DSCAML1: variants seen among roughly 807,000 people sequenced by gnomAD.
DSCAML1 encodes the protein cell adhesion molecule DSCAML1.
In DSCAML1, 38 loss-of-function variants were observed where a neutral mutation model predicts 200.5. The observed-to-expected ratio is 0.19, with a 90% CI of 0.15 to 0.25. The LOEUF is 0.25. DSCAML1 is among the 10% of genes least tolerant of loss of function. The pLI, the probability that DSCAML1 is intolerant of heterozygous loss-of-function variation, is 1.00. For synonymous variants in DSCAML1, 1,215 were observed against 1,165.0 expected, an observed-to-expected ratio of 1.04 and a Z score of -0.87; for missense variants, 2,223 against 2,858.8, an observed-to-expected ratio of 0.78 and a Z score of 5.07.
At chr11:117,559,239 C>A (rs926361437) in intron 3 of DSCAML1, among the ~76,000 whole-genome samples, 1 of 152,192 alleles carries the variant, frequency 6.6e-6, no homozygotes, top group Non-Finnish European at 1.5e-5. Flanking sequence ...ATGTACAGCT[C>A]AGGTAAGGGG....
chr11:117,522,887 T>C (rs942611814), intron 5 of DSCAML1, among the ~76,000 whole-genome samples: 3 of 152,142 alleles, frequency 2.0e-5, no homozygotes, highest in Non-Finnish European at 2.9e-5. Context: ...AAAAGTCACA[T>C]TGATTCCCCT....
chr11:117,670,087 T>C (rs1280576445), intron 3 of DSCAML1, among the ~76,000 whole-genome samples: 1 of 152,250 alleles, frequency 6.6e-6, no homozygotes, highest in Admixed American at 6.5e-5. Context: ...GCTGTGATGC[T>C]TGGCTCTTCC....
intron 3 of DSCAML1, among the ~76,000 whole-genome samples, chr11:117,735,428 G>A (rs561354104): frequency 4.6e-5 from 7 of 152,066 alleles, no homozygotes; most frequent in Non-Finnish European, 1.0e-4. Flanking sequence ...TTGGCTCAAG[G>A]TCACACAGGT....
intron 17 of DSCAML1, among the ~76,000 whole-genome samples, chr11:117,462,709 C>T (rs570830809): frequency 3.9e-5 from 6 of 152,232 alleles, no homozygotes; most frequent in Non-Finnish European, 8.8e-5. Context: ...ATCGCCCATT[C>T]GAACAAAATG....
In DSCAML1 at chr11:117,650,198, G is replaced by A. The variant is rs149726326; in HGVS notation, c.512-117676C>T. On this transcript the variant is annotated intron_variant, in intron 3 of 32. Transcript: ENST00000651296. ...TTCTCAGTCTGGATCTCCAGGGTGC[G>A]GCCCAGGAATTTGTGTCTGCCCACT... 1.9e-3 allele frequency among the ~76,000 whole-genome samples: 292 copies of A among 152,260 alleles called. 2 individuals are homozygous for A. The highest frequency in any genetic ancestry group is 2.4e-3 in the Non-Finnish European group (163 of 68,012).
intron 19 of DSCAML1, among the ~76,000 whole-genome samples, chr11:117,456,651 G>A (rs1034102294): frequency 2.0e-5 from 3 of 149,776 alleles, no homozygotes; most frequent in Non-Finnish European, 4.4e-5. Flanking sequence ...CCCTGATGCC[G>A]CTATCTGAAG....
At chr11:117,777,139 C>T (rs2055141757) in intron 2 of DSCAML1, among the ~76,000 whole-genome samples, 2 of 152,336 alleles carry the variant, frequency 1.3e-5, no homozygotes, top group South Asian at 4.1e-4. Flanking sequence ...TCTCCATCAA[C>T]CTCCTCCCCA....
At chr11:117,745,852 T>A (rs956226350) in intron 3 of DSCAML1, among the ~76,000 whole-genome samples, 1 of 152,138 alleles carries the variant, frequency 6.6e-6, no homozygotes, top group Non-Finnish European at 1.5e-5. Flanking sequence ...GAGATAATAA[T>A]AGCATCTTCC....
rs1183682190 is a variant in DSCAML1 at position 117,797,011 on chromosome 11, CCAGCCGCCCGCG to C, written c.46+11_46+22del. On this transcript the variant is annotated intron_variant, in intron 1 of 32. Transcript: ENST00000651296. ...ACCCTGGCCCCGCCGCCTCCGCCGC[CCAGCCGCCCGCG>C]CAGGTCTCACCTTTGTGTAAAGAGT... 1.4e-6 allele frequency: 2 copies of C among 1,419,220 alleles called. No homozygotes were observed. Among genetic ancestry groups the C allele is most frequent in the Admixed American group, 2.4e-5 (1 of 41,892 alleles). The allele number at this position is 1,419,220 out of a possible 1,614,324, so 87.9% of individuals were successfully genotyped here. A position where few individuals can be genotyped will look rare whatever the true frequency, so the allele number is the denominator to read the frequency against.
chr11:117,700,849 G>A (rs1250312806), intron 3 of DSCAML1, among the ~76,000 whole-genome samples: 1 of 152,230 alleles, frequency 6.6e-6, no homozygotes, highest in Non-Finnish European at 1.5e-5. Context: ...AATGCTGCAA[G>A]CCACAGGACC....
rs906823583 is a variant in DSCAML1, at chr11:117,814,077, T to G, written c.-250+3313A>C. Among the ~76,000 whole-genome samples, 24 of 152,302 alleles carry G rather than the reference T, an allele frequency of 1.6e-4. No individual in the cohort carries two copies. In the East Asian group the frequency reaches 2.1e-3, roughly 13 times the overall value. On this transcript the variant is annotated intron_variant, in intron 1 of 2. Transcript: ENST00000525836. ...CCCACCTTAACTGAGTGATTAACCCTGTGAATTTCCTTCTCCTGGCTCAGA... is the reference window on the plus strand; with the variant it reads ...CCCACCTTAACTGAGTGATTAACCCGGTGAATTTCCTTCTCCTGGCTCAGA...
intron 3 of DSCAML1, among the ~76,000 whole-genome samples, chr11:117,648,403 C>T (rs1486637049): frequency 1.3e-5 from 2 of 152,200 alleles, no homozygotes; most frequent in South Asian, 2.1e-4. Flanking sequence ...CCCGCTTCCA[C>T]GCAGTTCACC....
At chr11:117,532,086 T>C (rs545708121) in intron 4 of DSCAML1, among the ~76,000 whole-genome samples, 1 of 149,362 alleles carries the variant, frequency 6.7e-6, no homozygotes, top group East Asian at 2.0e-4. Flanking sequence ...ATAGTTACTA[T>C]GTTTGAGTAT....
At position 117,435,694 on chromosome 11, in the gene DSCAML1, A is replaced by G; in HGVS notation, c.4826T>C (p.Leu1609Pro). 2 of 1,611,980 alleles carry G rather than the reference A, an allele frequency of 1.2e-6. No homozygotes were observed. Among genetic ancestry groups the G allele is most frequent in the Non-Finnish European group, 1.7e-6 (2 of 1,178,286 alleles). Reference sequence around the variant, plus strand: ...CTTCCTCTTCTTGCGTACGATGAAGAGCAGTGCCACCCCCAGTGTGGCCAG... The same window carrying G: ...CTTCCTCTTCTTGCGTACGATGAAGGGCAGTGCCACCCCCAGTGTGGCCAG... Reference protein sequence around the residue: ...VILATLGVALLFIVRKKRKEK... With the variant: ...VILATLGVALPFIVRKKRKEK... Residue 1609 changes from leucine (L) to proline (P), a missense_variant, in exon 27 of 33, where the codon CTC becomes CCC. Around this residue, in one of 7 missense-constraint regions of DSCAML1, gnomAD observed 614 missense variants for 739.1 expected, o/e 0.83. Transcript: ENST00000651296.
chr11:117,705,146 T>C (rs1591422146), intron 3 of DSCAML1, among the ~76,000 whole-genome samples: 1 of 152,140 alleles, frequency 6.6e-6, no homozygotes, highest in South Asian at 2.1e-4. Flanking sequence ...ATTATATGAT[T>C]TTCCCCCCAG....
intron 3 of DSCAML1, among the ~76,000 whole-genome samples, chr11:117,552,453 G>A (rs148182465): frequency 6.6e-6 from 1 of 152,138 alleles, no homozygotes; most frequent in Non-Finnish European, 1.5e-5. Flanking sequence ...CCCCCGAGAT[G>A]AGCAGGAAGG....
At chr11:117,729,989 A>T (rs1202331021) in intron 3 of DSCAML1, among the ~76,000 whole-genome samples, 1 of 152,230 alleles carries the variant, frequency 6.6e-6, no homozygotes, top group Non-Finnish European at 1.5e-5. Context: ...TCATGAGGTC[A>T]AGAGATTGAG....
chr11:117,682,739 T>C (rs2053333061), intron 3 of DSCAML1, among the ~76,000 whole-genome samples: 1 of 152,170 alleles, frequency 6.6e-6, no homozygotes. Context: ...ATATGTTCCA[T>C]GTCCCCAAGT....
rs539594823 is a variant in DSCAML1, at chr11:117,586,330, A to G, written c.512-53808T>C. On this transcript the variant is annotated intron_variant, in intron 3 of 32. Transcript: ENST00000651296. The stretch of plus-strand genomic sequence containing the variant: ...GGGGAGGCTGGGGGCACCGCCTCCA[A>G]GGCGCATGTAACAGCTGATCCTTCT... 2.6e-5 allele frequency among the ~76,000 whole-genome samples: 4 copies of G among 152,342 alleles called. No individual in the cohort carries two copies. The East Asian group carries it at 7.7e-4, about 29-fold the overall frequency.
Sources: allele counts gnomAD v4.1 joint callset (sites outside exome capture counted in the v4.1 genomes callset), GRCh38; gene constraint gnomAD v4.1.1; regional missense constraint gnomAD v4.1.1; transcripts MANE v1.5; gene names NCBI Gene and HGNC (gene_info 2026-07-23, HGNC 2026-07-21).